Variants in CEP83 observed in about 807,000 individuals in gnomAD.
CEP83 encodes centrosomal protein of 83 kDa.
CEP83 carries 70 observed loss-of-function variants against 101.9 expected under a neutral mutation model. The ratio of observed to expected loss-of-function variants is 0.69; its 90% CI spans 0.57 to 0.84. The LOEUF is 0.84. CEP83 is among the 40% of genes least tolerant of loss of function. CEP83 has a pLI of 0.00. For missense variants in CEP83, 715 were observed against 787.2 expected (o/e 0.91, Z 1.10); for synonymous variants, 264 against 267.9 (o/e 0.99, Z 0.14).
chr12:94,278,938 C>T, the CEP83 span, among the ~76,000 whole-genome samples: 1 of 151,880 alleles, frequency 6.6e-6, no homozygotes, highest in South Asian at 2.1e-4. Context: ...GCGGAGGTTG[C>T]AGTGAGCCAA....
rs533153568 is a variant in CEP83, at chr12:94,392,933, T to C, written c.549+7917A>G. 1.5e-4 allele frequency among the ~76,000 whole-genome samples: 23 copies of C among 152,252 alleles called. No homozygotes were observed. In the South Asian group the frequency reaches 2.3e-3, roughly 15 times the overall value. On this transcript the variant is annotated intron_variant, in intron 6 of 16. Transcript: ENST00000397809. ...CTCCCAAGACTAAACCAGGAAGAAG[T>C]TGAATCTCTGAATAGACCAATAACA...
At chr12:94,350,340 T>C (rs1311826072) in intron 11 of CEP83, among the ~76,000 whole-genome samples, 5 of 152,126 alleles carry the variant, frequency 3.3e-5, no homozygotes. Flanking sequence ...CCCTCCCATA[T>C]ACGGTCAAAT....
chr12:94,412,423 C>G lies in CEP83; in HGVS notation c.68G>C (p.Gly23Ala), dbSNP rs752692180. ...PNNFPPGGDS[G>A]LTGSQSEFQK... ...GAACTCCGACTGAGAACCTGTCAATCCACTGTCTCCACCAGGAGGAAAATT... is the reference window on the plus strand; with the variant it reads ...GAACTCCGACTGAGAACCTGTCAATGCACTGTCTCCACCAGGAGGAAAATT... Residue 23 changes from glycine to alanine, a missense_variant, in exon 3 of 17, where the codon GGA becomes GCA. Transcript: ENST00000397809. 5.0e-6 allele frequency: 8 copies of G among 1,612,616 alleles called. No individual in the cohort carries two copies. The South Asian group carries it at 8.8e-5, about 18-fold the overall frequency.
intron 1 of CEP83, among the ~76,000 whole-genome samples, chr12:94,458,694 C>T (rs190644451): frequency 6.6e-6 from 1 of 152,108 alleles, no homozygotes; most frequent in East Asian, 1.9e-4. Flanking sequence ...GCCGAGATCG[C>T]GCTACTGCAC....
chr12:94,358,815 C>T (rs1193334383), intron 11 of CEP83, among the ~76,000 whole-genome samples: 1 of 152,192 alleles, frequency 6.6e-6, no homozygotes, highest in African/African-American at 2.4e-5. Flanking sequence ...AGAAGGGAGA[C>T]ATGTTGGGAG....
In CEP83 at chr12:94,432,305, G is replaced by A. The variant is rs558790326; in HGVS notation, c.-102+2970C>T. 7.3e-5 allele frequency among the ~76,000 whole-genome samples: 11 copies of A among 151,512 alleles called. No homozygotes were observed. In the East Asian group the frequency reaches 9.7e-4, roughly 13 times the overall value. On this transcript the variant is annotated intron_variant, in intron 2 of 16. Transcript: ENST00000397809. Reference sequence around the variant, plus strand: ...TCTCAACCTCCTGGCCTCGTGATCCGCCCACCTCGGCCTCCCAAAGTACTG... The same window carrying A: ...TCTCAACCTCCTGGCCTCGTGATCCACCCACCTCGGCCTCCCAAAGTACTG...
At chr12:94,281,356 A>T in the CEP83 span, among the ~76,000 whole-genome samples, 9 of 152,278 alleles carry the variant, frequency 5.9e-5, no homozygotes, top group South Asian at 1.9e-3. Flanking sequence ...TACAGCAGAG[A>T]CTCAAAAACG....
chr12:94,319,041 G>A (rs548084609), intron 14 of CEP83, among the ~76,000 whole-genome samples: 1 of 152,166 alleles, frequency 6.6e-6, no homozygotes, highest in South Asian at 2.1e-4. Context: ...TCTGGCCCTG[G>A]GCTTTTTTTG....
chr12:94,302,205 C>T (rs1484646060), downstream of CEP83, among the ~76,000 whole-genome samples: 1 of 152,214 alleles, frequency 6.6e-6, no homozygotes, highest in Non-Finnish European at 1.5e-5. Context: ...CTTCAGCCCT[C>T]TTTGCTGGCC....
the CEP83 span, among the ~76,000 whole-genome samples, chr12:94,283,775 C>T: frequency 1.1e-4 from 17 of 152,226 alleles, no homozygotes; most frequent in Non-Finnish European, 2.4e-4. Context: ...TGGGTGGTAC[C>T]AGCTGATCCA....
the CEP83 span, chr12:94,298,565 C>A: frequency 1.6e-6 from 2 of 1,244,176 alleles, no homozygotes; most frequent in Non-Finnish European, 2.2e-6. Flanking sequence ...TTTGCTTTTG[C>A]TATTATGTTT....
chr12:94,319,940 C>G (rs1206646473), intron 14 of CEP83, among the ~76,000 whole-genome samples: 2 of 152,128 alleles, frequency 1.3e-5, no homozygotes, highest in African/African-American at 2.4e-5. Flanking sequence ...TTAATACTGT[C>G]AGTGGAATGT....
chr12:94,346,709 T>C (rs368747087), intron 11 of CEP83, among the ~76,000 whole-genome samples: 18 of 152,312 alleles, frequency 1.2e-4, no homozygotes, highest in African/African-American at 4.1e-4. Flanking sequence ...GATTAGAAGA[T>C]GTCAGACTGC....
chr12:94,431,735 A>C (rs1476718313), intron 2 of CEP83, among the ~76,000 whole-genome samples: 1 of 152,204 alleles, frequency 6.6e-6, no homozygotes, highest in Non-Finnish European at 1.5e-5. Flanking sequence ...AACCACAGCA[A>C]CATATCATCT....
chr12:94,301,095 A>C, the CEP83 span: 1 of 1,593,998 alleles, frequency 6.3e-7, no homozygotes, highest in Non-Finnish European at 8.6e-7. Context: ...ATGCAGTCTT[A>C]TGAGTTTGAC....
intron 4 of CEP83, among the ~76,000 whole-genome samples, chr12:94,408,417 TAC>T (rs2063678024): frequency 6.6e-6 from 1 of 152,214 alleles, no homozygotes; most frequent in Admixed American, 6.5e-5. Flanking sequence ...TACTAGGTTA[TAC>T]AGTTTTCATT....
chr12:94,324,307 A>G (rs2058874283), intron 14 of CEP83, among the ~76,000 whole-genome samples: 1 of 152,232 alleles, frequency 6.6e-6, no homozygotes, highest in Non-Finnish European at 1.5e-5. Context: ...TTTCATTAAT[A>G]GATACAGGAC....
the CEP83 span, among the ~76,000 whole-genome samples, chr12:94,293,543 G>A: frequency 2.0e-5 from 3 of 152,208 alleles, no homozygotes; most frequent in Non-Finnish European, 4.4e-5. Context: ...CCCTCCTCCT[G>A]GTTTGCTGAG....
At chr12:94,351,164 C>CA (rs2060179908) in intron 11 of CEP83, among the ~76,000 whole-genome samples, 1 of 152,140 alleles carries the variant, frequency 6.6e-6, no homozygotes, top group Non-Finnish European at 1.5e-5. Flanking sequence ...GGCTCAGAAC[C>CA]AAGAGAGACT....
Sources: gnomAD v4.1 joint callset for allele counts (sites outside exome capture counted in the v4.1 genomes callset) on GRCh38, gnomAD v4.1.1 for gene constraint, MANE v1.5 for transcripts, NCBI Gene and HGNC (gene_info 2026-07-23, HGNC 2026-07-21) for gene names.